TLE1: variants seen among roughly 807,000 people sequenced by gnomAD.
TLE1 encodes the protein transducin-like enhancer protein 1.
Under a neutral mutation model 89.8 loss-of-function variants are expected in TLE1, and 21 were observed. The ratio of observed to expected loss-of-function variants is 0.23; its 90% CI spans 0.17 to 0.34. TLE1 has a LOEUF of 0.34. Ranked by LOEUF, TLE1 falls within the 10% of genes least tolerant of loss-of-function variation. TLE1 has a pLI of 1.00. For missense variants in TLE1, 795 were observed against 1,031.2 expected (o/e 0.77, Z 3.14); for synonymous variants, 447 against 407.6 (o/e 1.10, Z -1.16).
At chr9:81,675,335 TA>T (rs1554701607) in intron 4 of TLE1, among the ~76,000 whole-genome samples, 1 of 93,672 alleles carries the variant, frequency 1.1e-5, no homozygotes, top group Admixed American at 1.0e-4. Flanking sequence ...ACTAAGTAAA[TA>T]ATCAGTGGTT....
rs144618505 is a variant in TLE1, at chr9:81,664,950, A to C, written c.235-10914T>G. Among the ~76,000 whole-genome samples the C allele has an allele frequency of 1.7e-3, 255 of 152,174 alleles. 2 individuals are homozygous for C. In the Middle Eastern group the frequency reaches 0.065, roughly 39 times the overall value. On this transcript the variant is annotated intron_variant, in intron 4 of 19. Transcript: ENST00000376499. ...CATGCTTTGAGAAGCACTGCCATCTATTTCAGCAGCATCTACTGCTTAGCA... is the reference window on the plus strand; with the variant it reads ...CATGCTTTGAGAAGCACTGCCATCTCTTTCAGCAGCATCTACTGCTTAGCA...
At chr9:81,598,404 T>C (rs1830493371) in intron 14 of TLE1, among the ~76,000 whole-genome samples, 1 of 152,166 alleles carries the variant, frequency 6.6e-6, no homozygotes, top group Non-Finnish European at 1.5e-5. Context: ...TTGATGATTC[T>C]TTCCCAGGGT....
At chr9:81,652,149 C>A (rs781512422) in intron 6 of TLE1, 65 bp downstream of exon 6, 2 of 1,326,468 alleles carry the variant, frequency 1.5e-6, no homozygotes, top group South Asian at 2.4e-5. Context: ...GTAAAGCCAT[C>A]AAATTAATAA....
At chr9:81,675,708 G>GTTTTTTTTGT (rs1832808427) in intron 4 of TLE1, among the ~76,000 whole-genome samples, 3 of 132,440 alleles carry the variant, frequency 2.3e-5, no homozygotes, top group African/African-American at 9.1e-5. Context: ...GTTTTTTTTT[G>GTTTTTTTTGT]TTTTTTTTTT....
rs1257266683 is a variant in TLE1 at position 81,685,619 on chromosome 9, T to A, written c.234+57A>T. On this transcript the variant is annotated intron_variant, in intron 4 of 19. Transcript: ENST00000376499. ...CCCACTACTGAGAACAAAGCCAGTA[T>A]TATTAAATCATATGAACTGATGTCT... 2.5e-6 allele frequency: 4 copies of A among 1,572,242 alleles called. No homozygotes were observed. The Admixed American group carries it at 6.9e-5, about 27-fold the overall frequency.
intron 4 of TLE1, among the ~76,000 whole-genome samples, chr9:81,667,447 T>C (rs1218072596): frequency 6.6e-6 from 1 of 150,806 alleles, no homozygotes; most frequent in Admixed American, 6.6e-5. Flanking sequence ...CCCTAACACA[T>C]TTAAATCTTC....
chr9:81,685,613 C>T, intron 4 of TLE1, 63 bp downstream of exon 4: 2 of 1,555,258 alleles, frequency 1.3e-6, no homozygotes, highest in Admixed American at 1.8e-5. Context: ...GAGAACAAAG[C>T]CAGTATTATT....
intron 6 of TLE1, among the ~76,000 whole-genome samples, chr9:81,646,270 A>T (rs767831637): frequency 3.3e-5 from 5 of 152,240 alleles, no homozygotes; most frequent in Non-Finnish European, 7.3e-5. Context: ...TTGTGCTCTC[A>T]GTAAAAACAA....
chr9:81,608,091 C>CG (rs1403077250), intron 14 of TLE1, among the ~76,000 whole-genome samples: 1 of 152,138 alleles, frequency 6.6e-6, no homozygotes, highest in Non-Finnish European at 1.5e-5. Context: ...CAAGGATGAC[C>CG]GGGCAGCTGA....
intron 8 of TLE1, among the ~76,000 whole-genome samples, chr9:81,625,621 G>T (rs953384561): frequency 2.6e-5 from 4 of 152,162 alleles, no homozygotes; most frequent in African/African-American, 9.7e-5. Flanking sequence ...AACTTACAAT[G>T]TAAGTAGGTG....
intron 14 of TLE1, among the ~76,000 whole-genome samples, chr9:81,609,513 T>C (rs1823434661): frequency 6.6e-6 from 1 of 152,210 alleles, no homozygotes; most frequent in South Asian, 2.1e-4. Flanking sequence ...TTCTAATTAC[T>C]AACATTATGA....
At chr9:81,631,273 A>G (rs953339953) in intron 8 of TLE1, among the ~76,000 whole-genome samples, 2 of 152,238 alleles carry the variant, frequency 1.3e-5, no homozygotes, top group Non-Finnish European at 2.9e-5. Flanking sequence ...GTACTTGCAT[A>G]TATTTTTCTG....
intron 6 of TLE1, among the ~76,000 whole-genome samples, chr9:81,647,097 T>G (rs1828948347): frequency 6.6e-6 from 1 of 152,076 alleles, no homozygotes; most frequent in East Asian, 1.9e-4. Flanking sequence ...TCTCCTGAAG[T>G]TCACAGGCAT....
At chr9:81,657,772 T>C (rs1446519128) in intron 4 of TLE1, among the ~76,000 whole-genome samples, 2 of 152,100 alleles carry the variant, frequency 1.3e-5, no homozygotes, top group Non-Finnish European at 1.5e-5. Context: ...TATGCACATC[T>C]ACCCATACAC....
intron 18 of TLE1, 118 bp from the exon 19 acceptor site, chr9:81,584,642 G>T: frequency 1.1e-6 from 1 of 876,002 alleles, no homozygotes; most frequent in Admixed American, 2.3e-5. Flanking sequence ...CATGCCCTAA[G>T]GACTGGTCCA....
intron 8 of TLE1, among the ~76,000 whole-genome samples, chr9:81,625,592 CCA>C (rs61504059): frequency 0.55 from 83,094 of 151,674 alleles, 23,833 homozygotes; most frequent in East Asian, 0.91. Context: ...AATTATGAAA[CCA>C]CATACCTTCA....
intron 4 of TLE1, among the ~76,000 whole-genome samples, chr9:81,674,702 C>T (rs1365845190): frequency 1.3e-5 from 2 of 152,168 alleles, no homozygotes; most frequent in East Asian, 3.8e-4. Context: ...TAAGGGGAGT[C>T]CAGCTTTTCT....
chr9:81,632,371 G>A (rs1361937848), intron 8 of TLE1, among the ~76,000 whole-genome samples: 4 of 151,328 alleles, frequency 2.6e-5, no homozygotes, highest in African/African-American at 9.7e-5. Context: ...AATTTTAAAA[G>A]TAGCTACTAT....
intron 17 of TLE1, 49 bp from the exon 18 acceptor site, chr9:81,585,704 G>A (rs1283909649): frequency 6.3e-7 from 1 of 1,597,144 alleles, no homozygotes; most frequent in Non-Finnish European, 8.6e-7. Context: ...GATACACTTA[G>A]GAAGGGAAGA....
Sources: gnomAD v4.1 joint callset for allele counts (sites outside exome capture counted in the v4.1 genomes callset) on GRCh38, gnomAD v4.1.1 for gene constraint, MANE v1.5 for transcripts, NCBI Gene and HGNC (gene_info 2026-07-23, HGNC 2026-07-21) for gene names.